NRL: variants seen among roughly 807,000 people sequenced by gnomAD.
NRL encodes neural retina-specific leucine zipper protein.
Under a neutral mutation model 12.5 loss-of-function variants are expected in NRL, and 16 were observed. The observed-to-expected ratio is 1.28, with a 90% confidence interval of 0.87 to 1.95. NRL has a LOEUF of 1.95. Among genes scored for constraint, NRL ranks in the 30% most tolerant of loss-of-function variants. The pLI is 0.00. For missense variants in NRL, 314 were observed against 325.8 expected (o/e 0.96, Z 0.28); for synonymous variants, 142 against 150.9 (o/e 0.94, Z 0.43).
At chr14:24,109,370 T>C (rs1042534207) in intron 1 of NRL, among the ~76,000 whole-genome samples, 1 of 152,132 alleles carries the variant, frequency 6.6e-6, no homozygotes, top group African/African-American at 2.4e-5. Context: ...TTACAGGTCA[T>C]AGTGAGATAA....
chr14:24,103,998 C>T, intron 1 of NRL: 2 of 1,511,042 alleles, frequency 1.3e-6, no homozygotes, highest in Non-Finnish European at 1.8e-6. Flanking sequence ...GGACATAGCA[C>T]CCTCATCTGG....
At chr14:24,100,322 A>G in intron 1 of NRL, 2 of 1,517,300 alleles carry the variant, frequency 1.3e-6, no homozygotes, top group Non-Finnish European at 8.8e-7. Context: ...CAGGAGGCAC[A>G]GAAGTCATGA....
chr14:24,081,598 AGCGCCAGGTCGCACCCGGCTCT>A lies in NRL; in HGVS notation c.382-52_382-31del. The A allele has an allele frequency of 6.4e-7, 1 of 1,566,308 alleles. No individual in the cohort carries two copies. The highest frequency in any genetic ancestry group is 8.6e-7 in the Non-Finnish European group (1 of 1,157,058). Reference sequence around the variant, plus strand: ...GGAGGGAGAATGCAGAAACCGGGTCAGCGCCAGGTCGCACCCGGCTCTGCCCTGAGGGCCCGACGCTACCTGG... The same window carrying A: ...GGAGGGAGAATGCAGAAACCGGGTCAGCCCTGAGGGCCCGACGCTACCTGG... On this transcript the variant is annotated intron_variant, in intron 2 of 2. Transcript: ENST00000561028. This position sits in a 1 kb window ranked among gnomAD's most constrained non-coding sequence, Gnocchi z 4.4.
chr14:24,100,919 C>T (rs534892520), intron 1 of NRL, among the ~76,000 whole-genome samples: 1 of 152,336 alleles, frequency 6.6e-6, no homozygotes, highest in South Asian at 2.1e-4. Context: ...CAGCCCTGCA[C>T]TCTGGACCTT....
rs921170816 is a variant in NRL at position 24,080,578 on chromosome 14, G to C, written c.*658C>G. 5 of 152,632 alleles carry C rather than the reference G, an allele frequency of 3.3e-5. No individual in the cohort carries two copies. The highest frequency in any genetic ancestry group is 9.7e-5 in the African/African-American group (4 of 41,428). The allele number at this position is 152,632 out of a possible 1,614,324, so 9.5% of individuals were successfully genotyped here. ...CAACTGATTTGCTCAGGGTGACAGG[G>C]GGATCCCATGGAAGAGCTGGGACTA... is the stretch of plus-strand genomic sequence containing the variant. On this transcript the variant is annotated 3_prime_UTR_variant, in exon 3 of 3. Transcript: ENST00000561028.
chr14:24,093,881 G>C (rs956995477), intron 1 of NRL, among the ~76,000 whole-genome samples: 2 of 152,128 alleles, frequency 1.3e-5, no homozygotes, highest in African/African-American at 4.8e-5. Context: ...CAGGACTCAG[G>C]GTGTCGCGTC....
chr14:24,095,595 C>T (rs1022340104), intron 1 of NRL, among the ~76,000 whole-genome samples: 1 of 151,992 alleles, frequency 6.6e-6, no homozygotes, highest in African/African-American at 2.4e-5. Context: ...GGCATGTGGC[C>T]TCTAGGAAGA....
intron 1 of NRL, among the ~76,000 whole-genome samples, chr14:24,096,727 A>T (rs1303412757): frequency 1.3e-5 from 2 of 152,138 alleles, no homozygotes; most frequent in Non-Finnish European, 2.9e-5. Context: ...TACAAGATAC[A>T]TGTGTCCTGA....
intron 1 of NRL, among the ~76,000 whole-genome samples, chr14:24,088,684 C>T (rs1202690398): frequency 2.0e-5 from 3 of 146,836 alleles, no homozygotes; most frequent in African/African-American, 7.6e-5. Flanking sequence ...ATAGCTCTGT[C>T]GCCCTGGCTG....
chr14:24,106,894 C>A (rs2037347837), intron 1 of NRL, among the ~76,000 whole-genome samples: 1 of 152,100 alleles, frequency 6.6e-6, no homozygotes. Context: ...GTTGCTTCAT[C>A]TGTAAAATGG....
chr14:24,091,118 C>CGTGT (rs2036615963), intron 1 of NRL, among the ~76,000 whole-genome samples: 5 of 119,768 alleles, frequency 4.2e-5, no homozygotes, highest in African/African-American at 1.6e-4. Context: ...ACAGAAAAGG[C>CGTGT]CTGTGTGTGT....
intron 1 of NRL, among the ~76,000 whole-genome samples, chr14:24,083,338 T>C (rs1236112078): frequency 1.3e-5 from 2 of 152,200 alleles, no homozygotes; most frequent in Non-Finnish European, 2.9e-5. Flanking sequence ...CCAAGGATAA[T>C]GTGTTCTTAT....
rs952612614 is a variant in NRL, at chr14:24,094,740, T to G, written c.-27-11865A>C. 2 of 1,477,392 alleles carry G rather than the reference T, an allele frequency of 1.4e-6. No homozygotes were observed. The highest frequency in any genetic ancestry group is 1.8e-6 in the Non-Finnish European group (2 of 1,109,682). The allele number at this position is 1,477,392 out of a possible 1,614,324, so 91.5% of individuals were successfully genotyped here. On this transcript the variant is annotated intron_variant, in intron 1 of 2. Transcript: ENST00000561028. The surrounding 1 kb of genome is among the most constrained non-coding windows in gnomAD (Gnocchi z 4.1). ...TCGCTCCTCTCTGCTGAGCCAGGTCTCCGCATATCCTCCTTTCCTTCCCAG... is the reference window on the plus strand; with the variant it reads ...TCGCTCCTCTCTGCTGAGCCAGGTCGCCGCATATCCTCCTTTCCTTCCCAG...
Position 24,094,151 on chromosome 14 carries a change from C to T in NRL, c.-27-11276G>A. On this transcript the variant is annotated intron_variant, in intron 1 of 2. Coordinates refer to ENST00000561028, the MANE Select transcript of NRL (RefSeq NM_001354768.3). The surrounding 1 kb of genome is among the most constrained non-coding windows in gnomAD (Gnocchi z 4.1). Reference sequence around the variant, plus strand: ...AGAGATGGGTTTGGCGGTTTGGAGGCAGGGGTTGGGGCGGCGGCTGGGCTG... The same window carrying T: ...AGAGATGGGTTTGGCGGTTTGGAGGTAGGGGTTGGGGCGGCGGCTGGGCTG... 1.8e-6 allele frequency: 1 copy of T among 544,880 alleles called. No homozygotes were observed. Among genetic ancestry groups the T allele is most frequent in the South Asian group, 2.2e-5 (1 of 44,492 alleles). The allele number at this position is 544,880 out of a possible 1,614,324, so 33.8% of individuals were successfully genotyped here.
At chr14:24,097,340 C>T (rs116246214) in intron 1 of NRL, among the ~76,000 whole-genome samples, 11,506 of 148,718 alleles carry the variant, frequency 0.077, 503 homozygotes, top group African/African-American at 0.097. Flanking sequence ...CACCAGGTGT[C>T]GGGAGTTTGG....
intron 1 of NRL, chr14:24,114,058 G>A (rs2037476798): frequency 6.5e-6 from 1 of 152,718 alleles, no homozygotes; most frequent in African/African-American, 2.4e-5. Context: ...GGGGGCAGGA[G>A]GCGGCGAGCG....
intron 1 of NRL, chr14:24,110,642 C>T (rs1436665463): frequency 1.3e-5 from 2 of 152,426 alleles, no homozygotes; most frequent in Admixed American, 1.3e-4. Context: ...ACTACATGGA[C>T]CATAATTTAT....
intron 1 of NRL, chr14:24,099,943 C>A: frequency 6.2e-7 from 1 of 1,613,950 alleles, no homozygotes; most frequent in Non-Finnish European, 8.5e-7. Context: ...TTTGGTCTTA[C>A]ATCTCAAGTT....
chr14:24,102,750 CA>C, intron 1 of NRL: 1 of 1,612,384 alleles, frequency 6.2e-7, no homozygotes, highest in Non-Finnish European at 8.5e-7. Context: ...TTTCCTCTGC[CA>C]GGTGACAAGG....
Sources: allele counts gnomAD v4.1 joint callset (sites outside exome capture counted in the v4.1 genomes callset), GRCh38; gene constraint gnomAD v4.1.1; non-coding constraint Gnocchi (gnomAD v3.1); transcripts MANE v1.5; gene names NCBI Gene and HGNC (gene_info 2026-07-23, HGNC 2026-07-21).